MACF1: variants seen among roughly 807,000 people sequenced by gnomAD.
MACF1 encodes microtubule-actin cross-linking factor 1.
Under a neutral mutation model 854.8 loss-of-function variants are expected in MACF1, and 193 were observed. That is an observed-to-expected ratio of 0.23 (90% confidence interval 0.20 to 0.25). MACF1 has a LOEUF of 0.25. Among genes scored for constraint, MACF1 ranks in the 10% least tolerant of loss-of-function variants. The probability of loss-of-function intolerance (pLI) is 1.00; values close to 1 mark genes in which losing one functional copy is unlikely to be tolerated. For missense variants in MACF1, 7,722 were observed against 8,929.1 expected, an observed-to-expected ratio of 0.86 and a Z score of 5.45; for synonymous variants, 3,185 against 3,226.7, an observed-to-expected ratio of 0.99 and a Z score of 0.44.
chr1:39,358,468 C>T (rs1647787368), intron 45 of MACF1, among the ~76,000 whole-genome samples: 1 of 152,194 alleles, frequency 6.6e-6, no homozygotes, highest in Non-Finnish European at 1.5e-5. Flanking sequence ...TCATACATCT[C>T]ATTAAATTTT....
In MACF1 at chr1:39,356,697, T is replaced by C. The variant is rs1210273596; in HGVS notation, c.11425-678T>C. ...AACTTACAATTTTTATATTGTCACA[T>C]GTATGATTTATTCAGCTACCCTTCC... On this transcript the variant is annotated intron_variant, in intron 44 of 100. Transcript: ENST00000564288. 2.0e-5 allele frequency among the ~76,000 whole-genome samples: 3 copies of C among 152,198 alleles called. No homozygotes were observed. The South Asian group carries it at 6.2e-4, about 31-fold the overall frequency.
intron 5 of MACF1, 67 bp downstream of exon 5, chr1:39,254,442 G>A: frequency 7.2e-7 from 1 of 1,380,264 alleles, no homozygotes; most frequent in Non-Finnish European, 1.0e-6. Context: ...ATTCAGAGAT[G>A]TTTTTAGTGC....
intron 2 of MACF1, among the ~76,000 whole-genome samples, chr1:39,155,848 T>C (rs1288094745): frequency 6.6e-6 from 1 of 151,698 alleles, no homozygotes; most frequent in African/African-American, 2.4e-5. Flanking sequence ...GCCTCCCAAA[T>C]AGCTGGGATT....
At chr1:39,412,437 G>A in intron 58 of MACF1, 1 of 1,614,002 alleles carries the variant, frequency 6.2e-7, no homozygotes, top group Non-Finnish European at 8.5e-7. Flanking sequence ...CAAAAGAGCT[G>A]GATTATCAAG....
At chr1:39,428,365 T>A in intron 63 of MACF1, 78 bp downstream of exon 63, 1 of 1,378,586 alleles carries the variant, frequency 7.3e-7, no homozygotes, top group African/African-American at 1.5e-5. Flanking sequence ...TTCATTTATT[T>A]TTTTTTCTTC....
At chr1:39,295,631 C>T (rs913388136) in intron 19 of MACF1, among the ~76,000 whole-genome samples, 156 bp from the exon 20 acceptor site, 2 of 152,210 alleles carry the variant, frequency 1.3e-5, no homozygotes, top group South Asian at 2.1e-4. Flanking sequence ...ACCTCTTACT[C>T]GTGGGAAGCA....
chr1:39,408,819 G>C (rs868383964), intron 58 of MACF1, among the ~76,000 whole-genome samples: 2 of 152,004 alleles, frequency 1.3e-5, no homozygotes, highest in Non-Finnish European at 2.9e-5. Flanking sequence ...CGAACGGCTG[G>C]CGTCCCGGGT....
At chr1:39,319,386 G>A (rs1163704193) in intron 30 of MACF1, among the ~76,000 whole-genome samples, 2 of 152,132 alleles carry the variant, frequency 1.3e-5, no homozygotes, top group Non-Finnish European at 1.5e-5. Flanking sequence ...GAGGCATGGG[G>A]ATCACTTGAG....
At chr1:39,311,992 A>T (rs575859177) in intron 26 of MACF1, among the ~76,000 whole-genome samples, 2 of 152,252 alleles carry the variant, frequency 1.3e-5, no homozygotes, top group African/African-American at 4.8e-5. Flanking sequence ...AGGTAATATG[A>T]GGCATATCAT....
rs1240214351 is a variant in MACF1, at chr1:39,174,624, G to A, written c.221-56558G>A. On this transcript the variant is annotated intron_variant, in intron 2 of 93. Coordinates refer to the MACF1 transcript ENST00000361689. ...TGTCTTCTTAGTTGAATGTCAACAA[G>A]GGAATCAATTTCATCATGAAGAACT... is the stretch of plus-strand genomic sequence containing the variant. Among the ~76,000 whole-genome samples, 5 of 152,160 alleles carry A rather than the reference G, an allele frequency of 3.3e-5. No individual in the cohort carries two copies. The East Asian group carries it at 7.7e-4, about 23-fold the overall frequency.
chr1:39,151,821 C>T (rs1643585376), intron 2 of MACF1, among the ~76,000 whole-genome samples: 1 of 152,052 alleles, frequency 6.6e-6, no homozygotes, highest in Non-Finnish European at 1.5e-5. Flanking sequence ...ACTGAGAGCT[C>T]TTCATTTCCA....
chr1:39,350,815 A>C lies in MACF1; in HGVS notation c.10996A>C (p.Thr3666Pro). The change falls in exon 43 of 101, where the codon ACC becomes CCC. Residue 3666 changes from threonine (T) to proline (P), a missense_variant. Around this residue, in one of 15 missense-constraint regions of MACF1, gnomAD observed 2,807 missense variants for 3,235.8 expected, o/e 0.87. Coordinates refer to ENST00000564288, the MANE Select transcript of MACF1 (RefSeq NM_001394062.1). ...ACAGGATGACATTCAGAATCGTGCC[A>C]CCTCATTTGCCACTGTTGTCAAGGA... ...DLQDDIQNRA[T>P]SFATVVKDIE... The C allele has an allele frequency of 6.2e-7, 1 of 1,613,952 alleles. No homozygotes were observed. The highest frequency in any genetic ancestry group is 8.5e-7 in the Non-Finnish European group (1 of 1,179,904).
chr1:39,205,851 A>G (rs546506633), intron 1 of MACF1, among the ~76,000 whole-genome samples: 2 of 152,164 alleles, frequency 1.3e-5, no homozygotes, highest in South Asian at 4.2e-4. Flanking sequence ...TATTGCTATT[A>G]GTTATATTCT....
At chr1:39,091,271 T>C (rs1305771511) in intron 2 of MACF1, among the ~76,000 whole-genome samples, 1 of 152,206 alleles carries the variant, frequency 6.6e-6, no homozygotes, top group African/African-American at 2.4e-5. Context: ...GTGCTCACTC[T>C]TCCATTCATT....
chr1:39,431,713 C>T (rs1643877874), intron 66 of MACF1, among the ~76,000 whole-genome samples: 1 of 152,182 alleles, frequency 6.6e-6, no homozygotes, highest in Non-Finnish European at 1.5e-5. Context: ...TGGGCTCACA[C>T]CTGTAGTCCC....
Position 39,251,945 on chromosome 1 carries a change from G to A in MACF1, c.357+4G>A. 1 of 1,498,422 alleles carries A rather than the reference G, an allele frequency of 6.7e-7. No homozygotes were observed. The highest frequency in any genetic ancestry group is 8.9e-7 in the Non-Finnish European group (1 of 1,128,058). The allele number at this position is 1,498,422 out of a possible 1,614,324, so 92.8% of individuals were successfully genotyped here. A position where few individuals can be genotyped will look rare whatever the true frequency, so the allele number is the denominator to read the frequency against. ...GGAGGAAGATGATGATGATGTAGTAGGTCCTCCTGGGGATGCCAGCATCCC... is the reference window on the plus strand; with the variant it reads ...GGAGGAAGATGATGATGATGTAGTAAGTCCTCCTGGGGATGCCAGCATCCC... On this transcript the variant is annotated splice_donor_region_variant and intron_variant, in intron 4 of 100. Transcript: ENST00000564288.
intron 97 of MACF1, among the ~76,000 whole-genome samples, chr1:39,478,325 T>C (rs932161116): frequency 5.3e-5 from 8 of 152,040 alleles, no homozygotes; most frequent in Non-Finnish European, 1.2e-4. Flanking sequence ...TTGTTGAGGC[T>C]TGAGGAGGAA....
rs188001021 is a variant in MACF1 at position 39,377,111 on chromosome 1, A to G, written c.13214-1350A>G. Among the ~76,000 whole-genome samples the G allele has an allele frequency of 4.4e-3, 667 of 152,132 alleles. 5 individuals carry two copies. The highest frequency in any genetic ancestry group is 0.015 in the African/African-American group (605 of 41,532). ...CTGCAACCTCTGCCTCCCGGGTTCA[A>G]TCGATTCTCCTGCCTCAGCCTCCCC... is the stretch of plus-strand genomic sequence containing the variant. On this transcript the variant is annotated intron_variant, in intron 52 of 100. Coordinates refer to ENST00000564288, the MANE Select transcript of MACF1 (RefSeq NM_001394062.1).
chr1:39,246,008 T>C lies in MACF1; in HGVS notation c.172-4006T>C, dbSNP rs1483368450. On this transcript the variant is annotated intron_variant, in intron 2 of 100. Transcript: ENST00000564288. ...AAAGTTAAAAAACTTTCTTAGTCTT[T>C]ATCCTCCTTGACTTCTGCTGTAGTA... 3.3e-5 allele frequency among the ~76,000 whole-genome samples: 5 copies of C among 152,374 alleles called. No individual in the cohort carries two copies. The East Asian group carries it at 9.6e-4, about 29-fold the overall frequency.
Sources: gnomAD v4.1 joint callset for allele counts (sites outside exome capture counted in the v4.1 genomes callset) on GRCh38, gnomAD v4.1.1 for gene constraint, gnomAD v4.1.1 regional missense constraint, MANE v1.5 for transcripts, NCBI Gene and HGNC (gene_info 2026-07-23, HGNC 2026-07-21) for gene names.